Variants in UBE2K observed in about 807,000 individuals in gnomAD.
UBE2K encodes ubiquitin-conjugating enzyme E2 K.
In UBE2K, 6 loss-of-function variants were observed where a neutral mutation model predicts 30.0. The ratio of observed to expected loss-of-function variants is 0.20; its 90% CI spans 0.11 to 0.39. The LOEUF is 0.39. Ranked by LOEUF, UBE2K falls within the 10% of genes least tolerant of loss-of-function variation. The pLI is 1.00. For synonymous variants in UBE2K, 86 were observed against 83.7 expected (o/e 1.03, Z -0.15); for missense variants, 61 against 241.6 (o/e 0.25, Z 4.96).
At chr4:39,733,932 G>T (rs1372646242) in intron 1 of UBE2K, among the ~76,000 whole-genome samples, 5 of 152,024 alleles carry the variant, frequency 3.3e-5, no homozygotes, top group Admixed American at 6.6e-5. Flanking sequence ...TGGGAGCAGG[G>T]GGATTGGAGT....
At chr4:39,758,562 C>G (rs1711646528) in intron 4 of UBE2K, among the ~76,000 whole-genome samples, 1 of 152,046 alleles carries the variant, frequency 6.6e-6, no homozygotes, top group Non-Finnish European at 1.5e-5. Context: ...CCTGTAATCC[C>G]AGCTACTTGG....
At position 39,698,311 on chromosome 4, in the gene UBE2K, C is replaced by T; in HGVS notation, c.-17C>T. The T allele has an allele frequency of 6.2e-7, 1 of 1,608,738 alleles. No homozygotes were observed. Among genetic ancestry groups the T allele is most frequent in the Non-Finnish European group, 8.5e-7 (1 of 1,177,770 alleles). ...GGTGGCGGAGGAGGCGGGTACGAATCAGCTGCGGGCGGAGACATGGCCAAC... is the reference window on the plus strand; with the variant it reads ...GGTGGCGGAGGAGGCGGGTACGAATTAGCTGCGGGCGGAGACATGGCCAAC... On this transcript the variant is annotated 5_prime_UTR_variant, in exon 1 of 7. Transcript: ENST00000261427.
chr4:39,734,662 T>C (rs1289891112), intron 1 of UBE2K, among the ~76,000 whole-genome samples: 1 of 151,892 alleles, frequency 6.6e-6, no homozygotes, highest in African/African-American at 2.4e-5. Flanking sequence ...AATTTAAAAC[T>C]TTAGCCAGGC....
chr4:39,698,249 T>C lies in UBE2K; in HGVS notation c.-79T>C. The C allele has an allele frequency of 7.2e-7, 1 of 1,389,708 alleles. No homozygotes were observed. The highest frequency in any genetic ancestry group is 2.4e-5 in the East Asian group (1 of 41,894). The allele number at this position is 1,389,708 out of a possible 1,614,324, so 86.1% of individuals were successfully genotyped here. A position where few individuals can be genotyped will look rare whatever the true frequency, so the allele number is the denominator to read the frequency against. On this transcript the variant is annotated 5_prime_UTR_variant, in exon 1 of 7. Coordinates refer to ENST00000261427, the MANE Select transcript of UBE2K (RefSeq NM_005339.5). ...TCTGAATCGCCGAGGGAGGAGGCGG[T>C]GGAGGAAGAGGTGGCGGCGGTGGCG...
At chr4:39,734,914 C>T (rs925501076) in intron 1 of UBE2K, among the ~76,000 whole-genome samples, 3 of 152,144 alleles carry the variant, frequency 2.0e-5, no homozygotes, top group African/African-American at 7.2e-5. Context: ...TTTGGGCAGT[C>T]CCAAAAAGCA....
intron 4 of UBE2K, among the ~76,000 whole-genome samples, chr4:39,757,075 G>C (rs1380362925): frequency 1.4e-5 from 2 of 142,656 alleles, no homozygotes; most frequent in Non-Finnish European, 3.0e-5. Context: ...ACCCAGGCTG[G>C]AGTGCAGTGG....
At chr4:39,711,225 T>C (rs1718657290) in intron 1 of UBE2K, among the ~76,000 whole-genome samples, 1 of 147,428 alleles carries the variant, frequency 6.8e-6, no homozygotes, top group Non-Finnish European at 1.5e-5. Flanking sequence ...TGCAGTGGTG[T>C]GATCTCGGCT....
intron 2 of UBE2K, 84 bp from the exon 3 acceptor site, chr4:39,745,668 C>A: frequency 2.3e-6 from 2 of 858,230 alleles, no homozygotes; most frequent in East Asian, 2.6e-5. Context: ...TATAAAATAG[C>A]TGCTCTGAAA....
At chr4:39,768,017 G>C (rs1271377998) in intron 4 of UBE2K, among the ~76,000 whole-genome samples, 1 of 152,044 alleles carries the variant, frequency 6.6e-6, no homozygotes, top group Non-Finnish European at 1.5e-5. Context: ...ATTTTTGGTG[G>C]TTTAAGTCAG....
intron 2 of UBE2K, among the ~76,000 whole-genome samples, chr4:39,742,575 T>TA (rs1003986057): frequency 4.5e-4 from 68 of 150,732 alleles, no homozygotes; most frequent in African/African-American, 1.6e-3. Context: ...TGTCTCTACT[T>TA]AAAAAAAAAT....
At chr4:39,713,500 A>G (rs752787443) in intron 1 of UBE2K, among the ~76,000 whole-genome samples, 2 of 151,296 alleles carry the variant, frequency 1.3e-5, no homozygotes, top group African/African-American at 2.4e-5. Flanking sequence ...GATATTGTCT[A>G]TCTTACATTA....
At chr4:39,741,001 G>C (rs1357250692) in intron 2 of UBE2K, among the ~76,000 whole-genome samples, 2 of 152,032 alleles carry the variant, frequency 1.3e-5, no homozygotes, top group South Asian at 2.1e-4. Context: ...GCCTGGGCGG[G>C]GTGGCTGATG....
chr4:39,762,593 A>C (rs566104340), intron 4 of UBE2K, among the ~76,000 whole-genome samples: 1 of 152,316 alleles, frequency 6.6e-6, no homozygotes, highest in Admixed American at 6.5e-5. Flanking sequence ...ATGAGGGTAG[A>C]AAATAGAGTG....
intron 1 of UBE2K, among the ~76,000 whole-genome samples, chr4:39,702,231 C>CTTTTCTTTTTTTTTTTTTTTTT: frequency 1.5e-5 from 1 of 67,386 alleles, no homozygotes; most frequent in Non-Finnish European, 2.7e-5. Flanking sequence ...CTTTTCTTTT[C>CTTTTCTTTTTTTTTTTTTTTTT]TTTTTTTTTT....
At position 39,754,906 on chromosome 4, in the gene UBE2K, C is replaced by G. The variant is rs1666465361; in HGVS notation, c.217-751C>G. ...GTCATATGTGTCAGAGATAGGAATA[C>G]AAGATCCTCCAAAAGTTCATGAGTA... is the stretch of plus-strand genomic sequence containing the variant. On this transcript the variant is annotated intron_variant, in intron 3 of 6. Transcript: ENST00000261427. Among the ~76,000 whole-genome samples, 4 of 152,134 alleles carry G rather than the reference C, an allele frequency of 2.6e-5. No individual in the cohort carries two copies. The South Asian group carries it at 6.2e-4, about 24-fold the overall frequency.
intron 2 of UBE2K, among the ~76,000 whole-genome samples, chr4:39,744,293 C>T (rs1049986710): frequency 2.0e-5 from 3 of 152,086 alleles, no homozygotes; most frequent in Admixed American, 6.6e-5. Context: ...CTGCCTCAGC[C>T]TCCTGAGTAG....
intron 4 of UBE2K, among the ~76,000 whole-genome samples, chr4:39,757,145 C>T (rs780141409): frequency 1.8e-4 from 27 of 151,554 alleles, no homozygotes; most frequent in Non-Finnish European, 3.5e-4. Flanking sequence ...CCTGCCTTAG[C>T]CTCCCGAGTA....
intron 3 of UBE2K, among the ~76,000 whole-genome samples, chr4:39,749,816 T>C (rs1034748184): frequency 6.6e-6 from 1 of 152,262 alleles, no homozygotes; most frequent in African/African-American, 2.4e-5. Context: ...ACATGCATAT[T>C]CAAAATAGCA....
chr4:39,762,923 C>T (rs560809916), intron 4 of UBE2K, among the ~76,000 whole-genome samples: 107 of 145,594 alleles, frequency 7.3e-4, no homozygotes, highest in Middle Eastern at 3.7e-3. Flanking sequence ...GCCACGCACC[C>T]GGCCAAAAAA....
Sources: allele counts gnomAD v4.1 joint callset (sites outside exome capture counted in the v4.1 genomes callset), GRCh38; gene constraint gnomAD v4.1.1; transcripts MANE v1.5; gene names NCBI Gene and HGNC (gene_info 2026-07-23, HGNC 2026-07-21).